The following GRAMD1B variants were observed in gnomAD, a reference collection of about 807,000 sequenced individuals.
GRAMD1B encodes GRAM domain containing 1B, also known as protein Aster-B.
A neutral mutation model predicts 99.7 loss-of-function variants in GRAMD1B; 37 were observed. The observed-to-expected ratio is 0.37, with a 90% CI of 0.29 to 0.49. GRAMD1B has a LOEUF of 0.49. Among genes scored for constraint, GRAMD1B ranks in the 20% least tolerant of loss-of-function variants. GRAMD1B has a pLI of 0.98. For synonymous variants in GRAMD1B, 427 were observed against 387.6 expected (o/e 1.10, Z -1.19); for missense variants, 888 against 1,009.2 (o/e 0.88, Z 1.63).
At chr11:123,440,729 C>T (rs1949366828) in intron 1 of GRAMD1B, among the ~76,000 whole-genome samples, 1 of 152,244 alleles carries the variant, frequency 6.6e-6, no homozygotes, top group Middle Eastern at 3.4e-3. Context: ...GCATAAGAAG[C>T]ATGGTGCCAG....
intron 2 of GRAMD1B, among the ~76,000 whole-genome samples, chr11:123,511,899 A>T (rs1941063020): frequency 1.3e-5 from 2 of 152,346 alleles, no homozygotes; most frequent in South Asian, 4.1e-4. Context: ...GAGTCACTTA[A>T]CTTCTCTGGA....
intron 1 of GRAMD1B, among the ~76,000 whole-genome samples, chr11:123,386,679 C>T (rs1027141212): frequency 2.0e-5 from 3 of 152,108 alleles, no homozygotes; most frequent in Admixed American, 6.5e-5. Context: ...AAACTCCTGA[C>T]CTCAGGTGAT....
intron 1 of GRAMD1B, among the ~76,000 whole-genome samples, chr11:123,475,107 A>C (rs560365798): frequency 2.6e-5 from 4 of 152,212 alleles, no homozygotes; most frequent in Non-Finnish European, 5.9e-5. Context: ...TTCAGAGGGC[A>C]GAAGGACGGC....
At chr11:123,579,381 C>T (rs569787099) in intron 3 of GRAMD1B, among the ~76,000 whole-genome samples, 89 of 152,296 alleles carry the variant, frequency 5.8e-4, no homozygotes, top group African/African-American at 2.1e-3. Context: ...AGGGGCGACA[C>T]GGCTAATCCT....
rs963913329 is a variant in GRAMD1B, at chr11:123,438,984, A to T, written c.374+7818A>T. Among the ~76,000 whole-genome samples, 4 of 152,198 alleles carry T rather than the reference A, an allele frequency of 2.6e-5. No homozygotes were observed. The East Asian group carries it at 7.7e-4, about 29-fold the overall frequency. ...AGGTGGTTGCTGGGTTGCTGTGTGT[A>T]CAAGAGCTTGATGAAACCTGAGGGT... is the stretch of plus-strand genomic sequence containing the variant. On this transcript the variant is annotated intron_variant, in intron 1 of 19. Coordinates refer to ENST00000635736, the MANE Select transcript of GRAMD1B (RefSeq NM_001387025.1).
chr11:123,461,967 CTTTTTTTTTTTT>C (rs756413526), intron 1 of GRAMD1B, among the ~76,000 whole-genome samples: 37 of 122,314 alleles, frequency 3.0e-4, no homozygotes, highest in African/African-American at 1.1e-3. Flanking sequence ...TTGTTTATTT[CTTTTTTTTTTTT>C]TTTTTGAAAT....
chr11:123,608,615 C>A, intron 11 of GRAMD1B, 44 bp from the exon 12 acceptor site: 2 of 1,563,814 alleles, frequency 1.3e-6, no homozygotes, highest in Non-Finnish European at 8.7e-7. Context: ...GCCCCCTCCC[C>A]CTCCGCTGTC....
intron 2 of GRAMD1B, among the ~76,000 whole-genome samples, chr11:123,548,365 T>TACACAC (rs113307581): frequency 1.5e-4 from 20 of 129,102 alleles, no homozygotes; most frequent in African/African-American, 5.8e-4. Context: ...TATATATATG[T>TACACAC]ACACACACAC....
Position 123,577,484 on chromosome 11 carries a change from T to A in GRAMD1B, c.570T>A (p.Asp190Glu). ...DGDTMVEKGSDHSSDKSPSTP... is the reference protein window; with the variant it reads ...DGDTMVEKGSEHSSDKSPSTP... ...ACACCATGGTGGAGAAGGGCTCAGA[T>A]CACTCCTCGGACAAGTCCCCGTCCA... is the stretch of plus-strand genomic sequence containing the variant. The change falls in exon 3 of 20, where the codon GAT becomes GAA. Residue 190 changes from aspartate to glutamate, a missense_variant. Asp to Glu is a conservative substitution (Grantham distance 45). Around this residue, in one of 5 missense-constraint regions of GRAMD1B, gnomAD observed 233 missense variants for 154.6 expected, o/e 1.51. Coordinates refer to ENST00000635736, the MANE Select transcript of GRAMD1B (RefSeq NM_001387025.1). 1 of 1,604,214 alleles carries A rather than the reference T, an allele frequency of 6.2e-7. No homozygotes were observed. The highest frequency in any genetic ancestry group is 8.5e-7 in the Non-Finnish European group (1 of 1,175,650).
At chr11:123,441,506 G>A (rs986512971) in intron 1 of GRAMD1B, among the ~76,000 whole-genome samples, 1 of 152,110 alleles carries the variant, frequency 6.6e-6, no homozygotes, top group Non-Finnish European at 1.5e-5. Context: ...CCAGGGCCAG[G>A]CATGGTGGCT....
intron 2 of GRAMD1B, among the ~76,000 whole-genome samples, chr11:123,523,872 C>T (rs1002393264): frequency 9.8e-5 from 15 of 152,330 alleles, no homozygotes; most frequent in Admixed American, 9.1e-4. Context: ...GCTTTGAAAA[C>T]ATAATTTTGG....
chr11:123,413,920 C>CGCA (rs1948138865), intron 1 of GRAMD1B, among the ~76,000 whole-genome samples: 1 of 152,118 alleles, frequency 6.6e-6, no homozygotes, highest in Non-Finnish European at 1.5e-5. Flanking sequence ...TCTGAGAAGA[C>CGCA]GCAGCTCAAG....
intron 2 of GRAMD1B, among the ~76,000 whole-genome samples, chr11:123,536,140 C>G (rs772948145): frequency 3.3e-5 from 5 of 152,152 alleles, no homozygotes; most frequent in African/African-American, 7.2e-5. Flanking sequence ...GTTGTCCAGG[C>G]GTGGTGACTC....
chr11:123,483,237 C>CG (rs1464327918), intron 2 of GRAMD1B, among the ~76,000 whole-genome samples: 10 of 152,022 alleles, frequency 6.6e-5, no homozygotes, highest in African/African-American at 2.2e-4. Flanking sequence ...AAGTGACTAA[C>CG]GGGTGGGGCA....
At chr11:123,394,445 C>T (rs1463201941) in intron 1 of GRAMD1B, among the ~76,000 whole-genome samples, 1 of 152,232 alleles carries the variant, frequency 6.6e-6, no homozygotes, top group African/African-American at 2.4e-5. Flanking sequence ...CTCCAATCTT[C>T]TCTTCAAGGC....
chr11:123,590,778 G>A (rs1312330133), intron 4 of GRAMD1B, among the ~76,000 whole-genome samples: 1 of 152,182 alleles, frequency 6.6e-6, no homozygotes, highest in Non-Finnish European at 1.5e-5. Context: ...TCCAGTGCCC[G>A]CCCAGGGTAG....
rs1170498094 is a variant in GRAMD1B at position 123,571,525 on chromosome 11, T to A, written c.453-5842T>A. Among the ~76,000 whole-genome samples, 4 of 152,294 alleles carry A rather than the reference T, an allele frequency of 2.6e-5. No individual in the cohort carries two copies. In the East Asian group the frequency reaches 7.7e-4, roughly 29 times the overall value. ...ACTGTGATCAGACTTCAGGGAGCAC[T>A]GTTTGCTAGCAAGGTAACCAGGGGA... On this transcript the variant is annotated intron_variant, in intron 2 of 19. Transcript: ENST00000635736.
intron 2 of GRAMD1B, among the ~76,000 whole-genome samples, chr11:123,513,110 T>C (rs908275919): frequency 1.3e-5 from 2 of 152,246 alleles, no homozygotes; most frequent in African/African-American, 4.8e-5. Flanking sequence ...ACTTTTTAAA[T>C]GTCTAAATAC....
chr11:123,571,999 T>G (rs1948156252), intron 2 of GRAMD1B, among the ~76,000 whole-genome samples: 1 of 152,230 alleles, frequency 6.6e-6, no homozygotes, highest in African/African-American at 2.4e-5. Flanking sequence ...AATAGGCCTC[T>G]AGCTCTTCCT....
Sources: allele counts gnomAD v4.1 joint callset (sites outside exome capture counted in the v4.1 genomes callset), GRCh38; gene constraint gnomAD v4.1.1; regional missense constraint gnomAD v4.1.1; transcripts MANE v1.5; gene names NCBI Gene and HGNC (gene_info 2026-07-23, HGNC 2026-07-21).